The following DNAJB13 variants were observed in gnomAD, a reference collection of about 807,000 sequenced individuals.
DNAJB13 encodes the protein DnaJ heat shock protein family (Hsp40) member B13.
A neutral mutation model predicts 35.6 loss-of-function variants in DNAJB13; 22 were observed. That is an observed-to-expected ratio of 0.62 (90% CI 0.44 to 0.88). DNAJB13 has a LOEUF of 0.88. DNAJB13 is among the 40% of genes least tolerant of loss of function. DNAJB13 has a pLI of 0.00. For synonymous variants in DNAJB13, 136 were observed against 144.2 expected, an observed-to-expected ratio of 0.94 and a Z score of 0.41; for missense variants, 370 against 384.3, an observed-to-expected ratio of 0.96 and a Z score of 0.31.
Position 73,968,333 on chromosome 11 carries a change from T to G in DNAJB13, c.607-12T>G. The G allele has an allele frequency of 6.2e-7, 1 of 1,613,602 alleles. No individual in the cohort carries two copies. The highest frequency in any genetic ancestry group is 8.5e-7 in the Non-Finnish European group (1 of 1,179,536). ...AACTAGTCCTTGTCACCTTTTGGCG[T>G]CCCCTGCCCAGGGCCCCAACATCAT... On this transcript the variant is annotated splice_polypyrimidine_tract_variant and intron_variant, in intron 5 of 7. Coordinates refer to ENST00000339764, the MANE Select transcript of DNAJB13 (RefSeq NM_153614.4).
At chr11:73,952,423 G>A (rs1348585541) in intron 1 of DNAJB13, among the ~76,000 whole-genome samples, 3 of 152,208 alleles carry the variant, frequency 2.0e-5, no homozygotes, top group Non-Finnish European at 4.4e-5. Context: ...AGAATTAAGT[G>A]CCATTATTAT....
intron 3 of DNAJB13, chr11:73,963,661 T>A (rs949449135): frequency 1.3e-5 from 2 of 152,180 alleles, no homozygotes; most frequent in South Asian, 4.1e-4. Context: ...ACAAGTGAAT[T>A]CAGCAATGCA....
chr11:73,956,441 C>T (rs551375162), intron 1 of DNAJB13, among the ~76,000 whole-genome samples: 18 of 152,184 alleles, frequency 1.2e-4, no homozygotes, highest in African/African-American at 3.6e-4. Context: ...ATGAGACATC[C>T]GAGTTTTATG....
chr11:73,966,253 T>C lies in DNAJB13; in HGVS notation c.606+2T>C. The stretch of plus-strand genomic sequence containing the variant: ...ACCTTTGAGAAGGAAGGGGACCAGG[T>C]GAGGGGGGAAGAAGCTGACTCAGGT... On this transcript the variant is annotated splice_donor_variant, in intron 5 of 7. Coordinates refer to ENST00000339764, the MANE Select transcript of DNAJB13 (RefSeq NM_153614.4). LOFTEE classifies it high-confidence loss of function. The C allele has an allele frequency of 6.2e-7, 1 of 1,610,180 alleles. No individual in the cohort carries two copies. The highest frequency in any genetic ancestry group is 1.1e-5 in the South Asian group (1 of 90,070).
intron 1 of DNAJB13, among the ~76,000 whole-genome samples, chr11:73,952,093 T>A (rs1368521942): frequency 6.6e-6 from 1 of 152,218 alleles, no homozygotes; most frequent in Non-Finnish European, 1.5e-5. Flanking sequence ...AGCTAGATTT[T>A]GTTGCTGAAT....
rs1951067696 is a variant in DNAJB13 at position 73,965,001 on chromosome 11, T to G, written c.458T>G (p.Phe153Cys). The change falls in exon 4 of 8, where the codon TTT becomes TGT. Residue 153 changes from phenylalanine to cysteine, a missense_variant. Physicochemically the swap from Phe to Cys is radical, Grantham distance 205. Transcript: ENST00000339764. ...DLYLSLEDLFFGCTKKIKISR... is the reference protein window; with the variant it reads ...DLYLSLEDLFCGCTKKIKISR... ...TACCTGTCCCTGGAGGACTTATTCT[T>G]TGGCTGCACCAAAAAAATTAAGATC... The G allele has an allele frequency of 1.3e-6, 2 of 1,599,882 alleles. No individual in the cohort carries two copies. Among genetic ancestry groups the G allele is most frequent in the Non-Finnish European group, 1.7e-6 (2 of 1,174,808 alleles).
intron 6 of DNAJB13, among the ~76,000 whole-genome samples, chr11:73,968,969 C>T (rs1483882353): frequency 6.6e-6 from 1 of 152,200 alleles, no homozygotes; most frequent in Admixed American, 6.5e-5. Context: ...TGCCCCACTC[C>T]TGAATGGTTT....
Position 73,958,346 on chromosome 11 carries a change from C to G in DNAJB13, c.98C>G (p.Pro33Arg). The G allele has an allele frequency of 1.2e-6, 2 of 1,614,112 alleles. No individual in the cohort carries two copies. The highest frequency in any genetic ancestry group is 1.7e-6 in the Non-Finnish European group (2 of 1,180,012). The change falls in exon 2 of 8, where the codon CCG (proline) becomes CGG (arginine). Residue 33 changes from proline to arginine, a missense_variant. By Grantham distance (103) the Pro-to-Arg change is moderately radical. Transcript: ENST00000339764. ...AYRRLALKHH[P>R]LKSNEPSSAE... ...CGCAGACTCGCCCTTAAGCACCACC[C>G]GTTGAAGTCAAATGAGCCGTCTTCA...
In DNAJB13 at chr11:73,959,522, T is replaced by C. The variant is rs747116650; in HGVS notation, c.201T>C (p.Phe67=). 7 of 1,614,024 alleles carry C rather than the reference T, an allele frequency of 4.3e-6. No homozygotes were observed. The highest frequency in any genetic ancestry group is 3.3e-5 in the South Asian group (3 of 91,070). ...DPMKRGIYDK[F]GEEGLKGGIP... ...TGAAGAGAGGCATCTACGACAAGTT[T>C]GGAGAAGAGGGCCTGAAGGGTGGGA... Residue 67 remains phenylalanine, a synonymous_variant, in exon 3 of 8, where the codon TTT becomes TTC. Transcript: ENST00000339764.
chr11:73,954,562 G>A (rs1355013845), intron 1 of DNAJB13, among the ~76,000 whole-genome samples: 8 of 143,620 alleles, frequency 5.6e-5, no homozygotes, highest in East Asian at 2.1e-4. Context: ...CCTGGGAGGC[G>A]GAATTTGCAG....
intron 2 of DNAJB13, 53 bp from the exon 3 acceptor site, chr11:73,959,441 C>A: frequency 6.3e-7 from 1 of 1,577,102 alleles, no homozygotes; most frequent in South Asian, 1.2e-5. Flanking sequence ...AGCCCCTCCA[C>A]CTATCTCAGC....
intron 1 of DNAJB13, among the ~76,000 whole-genome samples, chr11:73,954,450 G>A (rs1003295354): frequency 4.0e-5 from 6 of 151,444 alleles, no homozygotes; most frequent in African/African-American, 1.5e-4. Flanking sequence ...ATAACATGGT[G>A]AAACCCCGTC....
At chr11:73,961,828 T>C (rs1224733280) in intron 3 of DNAJB13, among the ~76,000 whole-genome samples, 1 of 152,224 alleles carries the variant, frequency 6.6e-6, no homozygotes, top group Non-Finnish European at 1.5e-5. Context: ...CTTGCTCTGT[T>C]GCCCAGGCTG....
At chr11:73,957,924 G>GACAGTGGA (rs1950802280) in intron 1 of DNAJB13, among the ~76,000 whole-genome samples, 2 of 151,644 alleles carry the variant, frequency 1.3e-5, no homozygotes, top group African/African-American at 4.9e-5. Context: ...AGGGAGGGGA[G>GACAGTGGA]GAAGGAGGGA....
intron 1 of DNAJB13, among the ~76,000 whole-genome samples, chr11:73,957,582 G>T (rs567048690): frequency 2.6e-5 from 4 of 152,212 alleles, no homozygotes; most frequent in African/African-American, 9.6e-5. Flanking sequence ...CCGCAGACTC[G>T]CCCTTTAACC....
At chr11:73,954,643 A>AAATAAAT (rs1554989417) in intron 1 of DNAJB13, among the ~76,000 whole-genome samples, 3,126 of 132,226 alleles carry the variant, frequency 0.024, 133 homozygotes, top group African/African-American at 0.078. Flanking sequence ...AAAAAAAAAT[A>AAATAAAT]AAATAAATAA....
chr11:73,969,000 C>T (rs1310059261), intron 6 of DNAJB13, among the ~76,000 whole-genome samples: 1 of 152,234 alleles, frequency 6.6e-6, no homozygotes, highest in Non-Finnish European at 1.5e-5. Flanking sequence ...CCTTGGCTCC[C>T]ACAAACGCTT....
intron 1 of DNAJB13, among the ~76,000 whole-genome samples, chr11:73,955,497 C>T (rs1175076223): frequency 2.0e-5 from 3 of 151,658 alleles, no homozygotes; most frequent in Non-Finnish European, 4.4e-5. Flanking sequence ...TTAGTAGAGA[C>T]GGGGTTTCAC....
chr11:73,954,141 T>G (rs868725530), intron 1 of DNAJB13, among the ~76,000 whole-genome samples: 6 of 148,264 alleles, frequency 4.0e-5, no homozygotes, highest in Admixed American at 6.8e-5. Flanking sequence ...CCTGGCCAAC[T>G]TGGTGAAACC....
Sources: gnomAD v4.1 joint callset for allele counts (sites outside exome capture counted in the v4.1 genomes callset) on GRCh38, gnomAD v4.1.1 for gene constraint, MANE v1.5 for transcripts, NCBI Gene and HGNC (gene_info 2026-07-23, HGNC 2026-07-21) for gene names.